Variants in BMP7 observed in about 807,000 individuals in gnomAD.
BMP7 encodes bone morphogenetic protein 7, also known as osteogenic protein 1.
In BMP7, 12 loss-of-function variants were observed where a neutral mutation model predicts 41.2. The ratio of observed to expected loss-of-function variants is 0.29; its 90% CI spans 0.19 to 0.47. The LOEUF is 0.47. BMP7 is among the 20% of genes least tolerant of loss of function. BMP7 has a pLI of 0.99. For synonymous variants in BMP7, 248 were observed against 250.0 expected, an observed-to-expected ratio of 0.99 and a Z score of 0.07; for missense variants, 467 against 606.0, an observed-to-expected ratio of 0.77 and a Z score of 2.41.
chr20:57,263,472 G>C (rs1304855119), intron 1 of BMP7, among the ~76,000 whole-genome samples: 1 of 152,196 alleles, frequency 6.6e-6, no homozygotes, highest in Non-Finnish European at 1.5e-5. Context: ...CTTTCTCTTG[G>C]GGACAGGGAG....
At chr20:57,183,444 A>T (rs941998969) in intron 4 of BMP7, among the ~76,000 whole-genome samples, 5 of 152,042 alleles carry the variant, frequency 3.3e-5, no homozygotes, top group African/African-American at 1.2e-4. Flanking sequence ...ATCTCTGTGT[A>T]GCTGCAAGTG....
At chr20:57,202,042 A>C (rs1480548670) in intron 3 of BMP7, among the ~76,000 whole-genome samples, 1 of 152,206 alleles carries the variant, frequency 6.6e-6, no homozygotes, top group Non-Finnish European at 1.5e-5. Flanking sequence ...GGGAGATGCT[A>C]CTAGCATCTA....
chr20:57,203,390 T>G (rs913930877), intron 2 of BMP7, among the ~76,000 whole-genome samples: 1 of 151,616 alleles, frequency 6.6e-6, no homozygotes, highest in African/African-American at 2.4e-5. Flanking sequence ...GGTAGGTGAG[T>G]GAATGGATGG....
chr20:57,222,228 C>T (rs1985205941), intron 2 of BMP7, among the ~76,000 whole-genome samples: 1 of 152,112 alleles, frequency 6.6e-6, no homozygotes, highest in Admixed American at 6.5e-5. Context: ...TCCCAGCCAC[C>T]ACCCGTATGC....
chr20:57,199,698 C>G (rs1447573227), intron 3 of BMP7, among the ~76,000 whole-genome samples: 2 of 152,200 alleles, frequency 1.3e-5, no homozygotes, highest in Non-Finnish European at 2.9e-5. Flanking sequence ...GACTCACTTG[C>G]TCTTTAGCTC....
At position 57,170,648 on chromosome 20, in the gene BMP7, A is replaced by C; in HGVS notation, c.*311T>G. ...GTAGGCGCTCATAATTACCTCTGGAAACGAGTCCGTGCATGGCTGAGACTT... is the reference window on the plus strand; with the variant it reads ...GTAGGCGCTCATAATTACCTCTGGACACGAGTCCGTGCATGGCTGAGACTT... On this transcript the variant is annotated 3_prime_UTR_variant, in exon 7 of 7. Transcript: ENST00000395863. 1 of 374,670 alleles carries C rather than the reference A, an allele frequency of 2.7e-6. No individual in the cohort carries two copies. The allele number at this position is 374,670 out of a possible 1,614,324, so 23.2% of individuals were successfully genotyped here.
intron 3 of BMP7, among the ~76,000 whole-genome samples, chr20:57,188,546 T>TA (rs577598390): frequency 0.11 from 12,748 of 117,458 alleles, 969 homozygotes; most frequent in African/African-American, 0.24. Context: ...GAGAATATAC[T>TA]AAAAAAAAAA....
chr20:57,238,415 G>A (rs2123126722), intron 1 of BMP7, among the ~76,000 whole-genome samples: 1 of 152,302 alleles, frequency 6.6e-6, no homozygotes, highest in South Asian at 2.1e-4. Flanking sequence ...GTGACTATGG[G>A]TGTGCAAATA....
chr20:57,265,584 G>T, intron 1 of BMP7, 121 bp downstream of exon 1: 1 of 1,441,964 alleles, frequency 6.9e-7, no homozygotes, highest in Non-Finnish European at 9.5e-7. Context: ...CCTCGGGCAG[G>T]CACTGCGATT....
At chr20:57,251,101 C>G (rs895765841) in intron 1 of BMP7, among the ~76,000 whole-genome samples, 25 of 152,200 alleles carry the variant, frequency 1.6e-4, no homozygotes, top group African/African-American at 5.3e-4. Flanking sequence ...ACGGTGGGTT[C>G]CTGATTGGCT....
chr20:57,209,273 ATATATATATATATG>A (rs1345675591), intron 2 of BMP7, among the ~76,000 whole-genome samples: 2 of 137,894 alleles, frequency 1.5e-5, no homozygotes, highest in Non-Finnish European at 3.1e-5. Context: ...ATATATATAT[ATATATATATATATG>A]TATATAAATT....
At chr20:57,192,740 A>G (rs1291284041) in intron 3 of BMP7, among the ~76,000 whole-genome samples, 3 of 151,766 alleles carry the variant, frequency 2.0e-5, no homozygotes, top group African/African-American at 2.4e-5. Context: ...GATTTGCCCA[A>G]GAATAGCAGA....
chr20:57,191,531 T>G (rs969624989), intron 3 of BMP7, among the ~76,000 whole-genome samples: 2 of 151,824 alleles, frequency 1.3e-5, no homozygotes, highest in Non-Finnish European at 2.9e-5. Context: ...AACCCCGTGT[T>G]GTAGAGACTA....
chr20:57,235,377 G>A (rs1387740117), intron 1 of BMP7, among the ~76,000 whole-genome samples: 2 of 152,218 alleles, frequency 1.3e-5, no homozygotes, highest in East Asian at 1.9e-4. Flanking sequence ...TAAATGTCTT[G>A]AAGCAGGATT....
At chr20:57,199,180 G>A (rs908381504) in intron 3 of BMP7, among the ~76,000 whole-genome samples, 24 of 152,126 alleles carry the variant, frequency 1.6e-4, no homozygotes, top group African/African-American at 4.8e-4. Flanking sequence ...CTGATTTGTC[G>A]GATGCACACC....
chr20:57,228,887 A>G lies in BMP7; in HGVS notation c.419-466T>C, dbSNP rs1372382825. ...CAGGGTTGAATGATCTCATTCACAC[A>G]AATAGTTTAACATCTGCTAGGGTTG... On this transcript the variant is annotated intron_variant, in intron 1 of 6. Coordinates refer to ENST00000395863, the MANE Select transcript of BMP7 (RefSeq NM_001719.3). This position sits in a 1 kb window ranked among gnomAD's most constrained non-coding sequence, Gnocchi z 4.5. 6.6e-6 allele frequency among the ~76,000 whole-genome samples: 1 copy of G among 152,262 alleles called. No homozygotes were observed. Among genetic ancestry groups the G allele is most frequent in the Non-Finnish European group, 1.5e-5 (1 of 68,042 alleles).
chr20:57,199,431 T>G (rs1268043737), intron 3 of BMP7, among the ~76,000 whole-genome samples: 1 of 152,178 alleles, frequency 6.6e-6, no homozygotes, highest in Non-Finnish European at 1.5e-5. Flanking sequence ...ACTACTTGGC[T>G]GACAGGAGCA....
chr20:57,191,124 C>T (rs1039293091), intron 3 of BMP7, among the ~76,000 whole-genome samples: 28 of 152,140 alleles, frequency 1.8e-4, no homozygotes, highest in African/African-American at 6.3e-4. Flanking sequence ...TCATCGCAGC[C>T]GAGTCTGACC....
chr20:57,185,146 G>A (rs1322445838), intron 3 of BMP7, among the ~76,000 whole-genome samples: 1 of 152,226 alleles, frequency 6.6e-6, no homozygotes, highest in African/African-American at 2.4e-5. Flanking sequence ...GAGGTGACGT[G>A]AGACTGGACC....
Sources: gnomAD v4.1 joint callset for allele counts (sites outside exome capture counted in the v4.1 genomes callset) on GRCh38, gnomAD v4.1.1 for gene constraint, Gnocchi (gnomAD v3.1) non-coding constraint, MANE v1.5 for transcripts, NCBI Gene and HGNC (gene_info 2026-07-23, HGNC 2026-07-21) for gene names.